SUPT3H: variants seen among roughly 807,000 people sequenced by gnomAD.
The protein encoded by SUPT3H is SPT3 homolog, SAGA and STAGA complex component, also known as transcription initiation protein SPT3 homolog.
SUPT3H carries 44 observed loss-of-function variants against 44.3 expected under a neutral mutation model. That is an observed-to-expected ratio of 0.99 (90% CI 0.78 to 1.28). SUPT3H has a LOEUF of 1.28. SUPT3H is among the 50% of genes most tolerant of loss of function. The probability of loss-of-function intolerance (pLI) is 0.00; values close to 1 mark genes in which losing one functional copy is unlikely to be tolerated. For synonymous variants in SUPT3H, 124 were observed against 125.6 expected (o/e 0.99, Z 0.09); for missense variants, 380 against 387.1 (o/e 0.98, Z 0.15).
chr6:45,226,399 T>C (rs1766946541), intron 2 of SUPT3H, among the ~76,000 whole-genome samples: 1 of 152,150 alleles, frequency 6.6e-6, no homozygotes, highest in Non-Finnish European at 1.5e-5. Context: ...TAAGCCTGCA[T>C]GATGACTGAC....
At chr6:44,886,929 C>T (rs1394734317) in intron 10 of SUPT3H, among the ~76,000 whole-genome samples, 1 of 152,014 alleles carries the variant, frequency 6.6e-6, no homozygotes, top group Non-Finnish European at 1.5e-5. Context: ...GAAGATCTAC[C>T]AAGCTAATGG....
At chr6:44,906,468 A>C (rs1480022107) in intron 10 of SUPT3H, among the ~76,000 whole-genome samples, 1 of 152,200 alleles carries the variant, frequency 6.6e-6, no homozygotes, top group Admixed American at 6.5e-5. Context: ...TCTTACCTAT[A>C]AAACAAAAGC....
At chr6:45,018,914 A>G (rs2153516691) in intron 4 of SUPT3H, among the ~76,000 whole-genome samples, 1 of 152,132 alleles carries the variant, frequency 6.6e-6, no homozygotes, top group Non-Finnish European at 1.5e-5. Context: ...ATAGTTTCAG[A>G]AGGAATCGTA....
At chr6:45,370,389 G>GA (rs372520355) in intron 1 of SUPT3H, among the ~76,000 whole-genome samples, 285 of 145,670 alleles carry the variant, frequency 2.0e-3, no homozygotes, top group African/African-American at 5.8e-3. Context: ...GACTGGGAAG[G>GA]AAAAAAAAAA....
chr6:45,145,113 A>G (rs1374791621), intron 2 of SUPT3H, among the ~76,000 whole-genome samples: 1 of 152,098 alleles, frequency 6.6e-6, no homozygotes, highest in African/African-American at 2.4e-5. Context: ...TACAAATTCA[A>G]TGCAATTCTC....
chr6:45,157,551 ATATG>A (rs1808037354), intron 2 of SUPT3H, among the ~76,000 whole-genome samples: 1 of 151,404 alleles, frequency 6.6e-6, no homozygotes, highest in African/African-American at 2.4e-5. Flanking sequence ...ATATATATAC[ATATG>A]TATTTCTTTT....
At chr6:45,168,160 A>G (rs1202027405) in intron 2 of SUPT3H, among the ~76,000 whole-genome samples, 1 of 151,880 alleles carries the variant, frequency 6.6e-6, no homozygotes, top group Non-Finnish European at 1.5e-5. Flanking sequence ...CAAAGAATCA[A>G]TTATGCTCTT....
intron 2 of SUPT3H, among the ~76,000 whole-genome samples, chr6:45,356,885 AC>A (rs1004072834): frequency 5.9e-5 from 9 of 152,150 alleles, no homozygotes; most frequent in Non-Finnish European, 1.3e-4. Flanking sequence ...AATTACACTC[AC>A]CTTTTTTAAT....
chr6:45,089,776 T>G (rs1177610029), intron 3 of SUPT3H, among the ~76,000 whole-genome samples: 2 of 151,986 alleles, frequency 1.3e-5, no homozygotes, highest in African/African-American at 4.8e-5. Context: ...TGCAATATCC[T>G]CCTTATAACT....
At chr6:45,119,987 T>C (rs1216865082) in intron 2 of SUPT3H, among the ~76,000 whole-genome samples, 1 of 151,716 alleles carries the variant, frequency 6.6e-6, no homozygotes, top group Admixed American at 6.6e-5. Flanking sequence ...ATACTGAGGA[T>C]TTACTGTTTG....
intron 4 of SUPT3H, among the ~76,000 whole-genome samples, chr6:45,016,694 T>C (rs1460410300): frequency 6.6e-6 from 1 of 152,032 alleles, no homozygotes; most frequent in Non-Finnish European, 1.5e-5. Flanking sequence ...TATGGCTGCA[T>C]AGTATTCCAT....
intron 10 of SUPT3H, among the ~76,000 whole-genome samples, chr6:44,867,878 A>G (rs1308848687): frequency 6.6e-6 from 1 of 152,094 alleles, no homozygotes; most frequent in African/African-American, 2.4e-5. Flanking sequence ...TTGTACCATA[A>G]AGTATGTTTG....
chr6:45,215,835 G>A (rs1182286934), intron 2 of SUPT3H, among the ~76,000 whole-genome samples: 1 of 152,134 alleles, frequency 6.6e-6, no homozygotes, highest in Non-Finnish European at 1.5e-5. Flanking sequence ...AAGCTTAAAG[G>A]CCAAATAGAC....
intron 2 of SUPT3H, among the ~76,000 whole-genome samples, chr6:45,356,761 A>G (rs888287261): frequency 2.6e-5 from 4 of 152,102 alleles, no homozygotes; most frequent in African/African-American, 4.8e-5. Context: ...ACATCTAGAG[A>G]TAATCAAAAC....
intron 3 of SUPT3H, among the ~76,000 whole-genome samples, chr6:45,039,597 C>T (rs573357750): frequency 1.3e-5 from 2 of 151,884 alleles, no homozygotes; most frequent in African/African-American, 4.8e-5. Context: ...CAGGCCAACA[C>T]GGTGAAACCC....
chr6:44,993,365 G>T (rs566113174), intron 6 of SUPT3H, among the ~76,000 whole-genome samples: 106 of 151,938 alleles, frequency 7.0e-4, no homozygotes, highest in African/African-American at 2.5e-3. Flanking sequence ...GAAAAATAGG[G>T]ATCTAGGTAA....
intron 10 of SUPT3H, among the ~76,000 whole-genome samples, chr6:44,865,113 G>C (rs766955381): frequency 1.3e-5 from 2 of 152,180 alleles, no homozygotes; most frequent in Non-Finnish European, 2.9e-5. Context: ...AATGCTGCCA[G>C]TCTCTTTGCT....
intron 2 of SUPT3H, among the ~76,000 whole-genome samples, chr6:45,282,638 G>A (rs1339174053): frequency 6.6e-6 from 1 of 152,154 alleles, no homozygotes; most frequent in African/African-American, 2.4e-5. Context: ...CGGGCAGAAT[G>A]GAACCAAGTT....
intron 10 of SUPT3H, among the ~76,000 whole-genome samples, chr6:44,896,709 A>G (rs568263698): frequency 5.3e-5 from 8 of 152,224 alleles, no homozygotes; most frequent in Non-Finnish European, 1.0e-4. Context: ...ATTTTCATAT[A>G]TTTCACTTAT....
Sources: allele counts gnomAD v4.1 joint callset (sites outside exome capture counted in the v4.1 genomes callset), GRCh38; gene constraint gnomAD v4.1.1; transcripts MANE v1.5; gene names NCBI Gene and HGNC (gene_info 2026-07-23, HGNC 2026-07-21).